The following DAB2IP variants were observed in gnomAD, a reference collection of about 807,000 sequenced individuals.
DAB2IP encodes disabled homolog 2-interacting protein.
In DAB2IP, 28 loss-of-function variants were observed where a neutral mutation model predicts 107.2. The ratio of observed to expected loss-of-function variants is 0.26; its 90% CI spans 0.19 to 0.36. The LOEUF (loss-of-function observed/expected upper bound fraction) is 0.36. DAB2IP is among the 10% of genes least tolerant of loss of function. The pLI, the probability that DAB2IP is intolerant of heterozygous loss-of-function variation, is 1.00. For synonymous variants in DAB2IP, 755 were observed against 706.4 expected (o/e 1.07, Z -1.09); for missense variants, 1,400 against 1,644.7 (o/e 0.85, Z 2.57).
intron 1 of DAB2IP, among the ~76,000 whole-genome samples, chr9:121,659,996 C>G (rs1833136609): frequency 6.6e-6 from 1 of 151,852 alleles, no homozygotes. Context: ...TAGCCAGCCC[C>G]CGCCCTCGGG....
chr9:121,659,560 G>A (rs1833112106), intron 1 of DAB2IP, among the ~76,000 whole-genome samples: 1 of 152,120 alleles, frequency 6.6e-6, no homozygotes, highest in Non-Finnish European at 1.5e-5. Context: ...TTGGGAGGCC[G>A]AGGTGGGCGG....
At chr9:121,735,833 G>T (rs1307884802) in intron 3 of DAB2IP, among the ~76,000 whole-genome samples, 1 of 152,222 alleles carries the variant, frequency 6.6e-6, no homozygotes, top group African/African-American at 2.4e-5. Flanking sequence ...TCCCCTAGGG[G>T]TTTTTGTTTC....
intron 1 of DAB2IP, among the ~76,000 whole-genome samples, chr9:121,627,721 T>A (rs1243895311): frequency 6.6e-6 from 1 of 152,246 alleles, no homozygotes; most frequent in Non-Finnish European, 1.5e-5. Context: ...GAGGGCATTT[T>A]TCTCAGTGCT....
At chr9:121,576,034 C>G (rs1211635768) in intron 1 of DAB2IP, 1 of 152,536 alleles carries the variant, frequency 6.6e-6, no homozygotes. Flanking sequence ...AGATCCACCC[C>G]GACTCTCCGT....
chr9:121,571,771 T>C (rs984599958), intron 1 of DAB2IP, among the ~76,000 whole-genome samples: 4 of 151,930 alleles, frequency 2.6e-5, no homozygotes, highest in African/African-American at 7.3e-5. Context: ...CAGAGCCCTA[T>C]TGGGTGGTCT....
chr9:121,759,859 C>G, intron 5 of DAB2IP, 26 bp from the exon 6 acceptor site: 1 of 1,587,962 alleles, frequency 6.3e-7, no homozygotes, highest in Non-Finnish European at 8.6e-7. Flanking sequence ...CCCAGCTGAC[C>G]ACCCTGGACC....
intron 2 of DAB2IP, among the ~76,000 whole-genome samples, chr9:121,680,545 C>T (rs1828529790): frequency 6.6e-6 from 1 of 152,084 alleles, no homozygotes; most frequent in Non-Finnish European, 1.5e-5. Context: ...AAGGGTGACC[C>T]CCATCAGCTG....
At chr9:121,580,236 G>C (rs1298489345) in intron 1 of DAB2IP, among the ~76,000 whole-genome samples, 1 of 152,178 alleles carries the variant, frequency 6.6e-6, no homozygotes, top group African/African-American at 2.4e-5. Flanking sequence ...CTGGGTGCTA[G>C]AGGGGAAGCA....
At chr9:121,598,047 G>T (rs1238375827) in intron 1 of DAB2IP, among the ~76,000 whole-genome samples, 21 of 152,234 alleles carry the variant, frequency 1.4e-4, no homozygotes. Context: ...CTTGGCATCA[G>T]CATCAAGTCG....
At chr9:121,644,390 C>T (rs1170525021) in intron 1 of DAB2IP, among the ~76,000 whole-genome samples, 7 of 151,850 alleles carry the variant, frequency 4.6e-5, no homozygotes, top group Non-Finnish European at 7.4e-5. Context: ...TGAGGTCAGG[C>T]GTTCGAGACC....
chr9:121,708,699 C>T lies in DAB2IP; in HGVS notation c.362+9241C>T, dbSNP rs1830178984. 3.9e-5 allele frequency among the ~76,000 whole-genome samples: 6 copies of T among 152,322 alleles called. No individual in the cohort carries two copies. In the South Asian group the frequency reaches 1.2e-3, roughly 32 times the overall value. ...GGAAACTGAGGTTCAGGGAAGTGTA[C>T]CCATTTACTTAGGATTGAGCGAGCA... On this transcript the variant is annotated intron_variant, in intron 3 of 15. Coordinates refer to ENST00000408936, the Ensembl canonical transcript of DAB2IP.
At chr9:121,614,521 A>T (rs1359987734) in intron 1 of DAB2IP, among the ~76,000 whole-genome samples, 1 of 150,320 alleles carries the variant, frequency 6.7e-6, no homozygotes, top group East Asian at 2.0e-4. Context: ...TTGTATTTTC[A>T]GTAGAGACGG....
intron 1 of DAB2IP, among the ~76,000 whole-genome samples, chr9:121,627,139 A>T (rs10818572): frequency 0.013 from 969 of 74,030 alleles, 8 homozygotes; most frequent in Middle Eastern, 0.027. Context: ...ACACACACAC[A>T]CTCACACACA....
chr9:121,766,809 C>T (rs1834320705), intron 9 of DAB2IP, 79 bp downstream of exon 9: 3 of 1,419,518 alleles, frequency 2.1e-6, no homozygotes, highest in South Asian at 2.4e-5. Context: ...GTTTCTGCCC[C>T]CAAGCTGAGC....
intron 2 of DAB2IP, among the ~76,000 whole-genome samples, chr9:121,679,250 C>T (rs1828446590): frequency 6.6e-6 from 1 of 152,028 alleles, no homozygotes; most frequent in Non-Finnish European, 1.5e-5. Flanking sequence ...CTGATGATGG[C>T]TTAGAACCGA....
chr9:121,772,520 C>A lies in DAB2IP; in HGVS notation c.2079-87C>A. ...AGGCTGCCAGGCCCCGGCAGGTTGG[C>A]GGGTGCTGTCGGTTTGGACCCGCCT... On this transcript the variant is annotated intron_variant, in intron 11 of 15. Transcript: ENST00000408936. The surrounding 1 kb of genome is among the most constrained non-coding windows in gnomAD (Gnocchi z 4.7). 6.9e-7 allele frequency: 1 copy of A among 1,446,846 alleles called. No individual in the cohort carries two copies. The highest frequency in any genetic ancestry group is 9.4e-7 in the Non-Finnish European group (1 of 1,060,550). 89.6% of individuals were successfully genotyped at this position (1,446,846 alleles called of 1,614,324 possible). A position where few individuals can be genotyped will look rare whatever the true frequency, so the allele number is the denominator to read the frequency against.
chr9:121,652,079 G>A (rs1286879803), intron 1 of DAB2IP, among the ~76,000 whole-genome samples, 180 bp downstream of exon 1: 2 of 152,058 alleles, frequency 1.3e-5, no homozygotes, highest in Non-Finnish European at 2.9e-5. Context: ...TCCTCCTCTC[G>A]CCGGGGGAAG....
chr9:121,634,869 C>T lies in DAB2IP; in HGVS notation c.41-43809C>T, dbSNP rs991546769. Among the ~76,000 whole-genome samples, 4 of 152,166 alleles carry T rather than the reference C, an allele frequency of 2.6e-5. No homozygotes were observed. The highest frequency in any genetic ancestry group is 9.7e-5 in the African/African-American group (4 of 41,434). ...TGCTCTTCCACTCCCACCCTCACCC[C>T]GTGGGCTCGGCTGCTCCCTGCTGAC... On this transcript the variant is annotated intron_variant, in intron 1 of 16. Transcript: ENST00000259371. This position sits in a 1 kb window ranked among gnomAD's most constrained non-coding sequence, Gnocchi z 4.7.
chr9:121,700,225 AG>A (rs1829699448), intron 3 of DAB2IP, among the ~76,000 whole-genome samples: 1 of 152,124 alleles, frequency 6.6e-6, no homozygotes, highest in Non-Finnish European at 1.5e-5. Context: ...GTGGGGCAGA[AG>A]GGGAGAGGGA....
Sources: gnomAD v4.1 joint callset for allele counts (sites outside exome capture counted in the v4.1 genomes callset) on GRCh38, gnomAD v4.1.1 for gene constraint, Gnocchi (gnomAD v3.1) non-coding constraint, MANE v1.5 for transcripts, NCBI Gene and HGNC (gene_info 2026-07-23, HGNC 2026-07-21) for gene names.